The following DPP6 variants were observed in gnomAD, a reference collection of about 807,000 sequenced individuals.
The protein encoded by DPP6 is A-type potassium channel modulatory protein DPP6.
DPP6 carries 69 observed loss-of-function variants against 122.6 expected under a neutral mutation model. That is an observed-to-expected ratio of 0.56 (90% CI 0.46 to 0.69). DPP6 has a LOEUF of 0.69. DPP6 is among the 30% of genes least tolerant of loss of function. DPP6 has a pLI of 0.00. For synonymous variants in DPP6, 418 were observed against 433.1 expected (o/e 0.97, Z 0.43); for missense variants, 928 against 1,116.9 (o/e 0.83, Z 2.41).
At chr7:154,137,068 G>A (rs954064343) in intron 1 of DPP6, among the ~76,000 whole-genome samples, 12 of 152,172 alleles carry the variant, frequency 7.9e-5, no homozygotes, top group African/African-American at 1.4e-4. Context: ...TTCTTATGAA[G>A]CCCTTCCCTA....
intron 1 of DPP6, among the ~76,000 whole-genome samples, chr7:154,233,822 C>T (rs899520319): frequency 6.6e-6 from 1 of 152,126 alleles, no homozygotes; most frequent in African/African-American, 2.4e-5. Flanking sequence ...TACAGCAGCC[C>T]TAGTAAACAA....
chr7:154,086,163 G>C (rs1804402108), intron 1 of DPP6, among the ~76,000 whole-genome samples: 2 of 152,198 alleles, frequency 1.3e-5, no homozygotes, highest in South Asian at 4.1e-4. Flanking sequence ...GAATCCAATG[G>C]ATCTGAGTCA....
intron 5 of DPP6, chr7:154,587,951 A>G (rs1239999550): frequency 1.2e-6 from 2 of 1,612,822 alleles, no homozygotes; most frequent in Non-Finnish European, 1.7e-6. Context: ...CTTCGCAGCC[A>G]TGCACCTGCA....
intron 1 of DPP6, among the ~76,000 whole-genome samples, chr7:154,090,273 C>T (rs1804708865): frequency 6.6e-6 from 1 of 152,144 alleles, no homozygotes; most frequent in African/African-American, 2.4e-5. Flanking sequence ...TGTGGTAATG[C>T]TATCCCCCGA....
chr7:153,837,837 A>ATTTTTTT, the DPP6 span, among the ~76,000 whole-genome samples: 52 of 80,634 alleles, frequency 6.4e-4, 2 homozygotes, highest in African/African-American at 2.3e-3. Context: ...TGCCTGGTTA[A>ATTTTTTT]TTTTTTTTTT....
intron 1 of DPP6, among the ~76,000 whole-genome samples, chr7:154,239,992 T>C (rs202233306): frequency 6.0e-5 from 3 of 50,398 alleles, no homozygotes; most frequent in East Asian, 2.2e-3. Flanking sequence ...ATGCTGTCTT[T>C]AAAAAAAAAA....
At chr7:153,845,822 TTAGAC>T in the DPP6 span, among the ~76,000 whole-genome samples, 2 of 152,158 alleles carry the variant, frequency 1.3e-5, no homozygotes, top group African/African-American at 4.8e-5. Flanking sequence ...AACCATGACT[TTAGAC>T]TATTTTAACT....
intron 16 of DPP6, among the ~76,000 whole-genome samples, chr7:154,812,364 T>G (rs117835108): frequency 3.9e-5 from 6 of 152,338 alleles, no homozygotes; most frequent in Non-Finnish European, 7.3e-5. Flanking sequence ...CAATATAACT[T>G]TATTGTCTTA....
chr7:153,944,556 GTAGTGCCAGCACACA>G (rs1801849805), intron 1 of DPP6, among the ~76,000 whole-genome samples: 2 of 152,044 alleles, frequency 1.3e-5, no homozygotes. Context: ...GACTGGGAGG[GTAGTGCCAGCACACA>G]AGGAGGAGGC....
intron 1 of DPP6, among the ~76,000 whole-genome samples, chr7:154,077,796 G>A (rs1284042995): frequency 3.3e-5 from 5 of 151,220 alleles, no homozygotes; most frequent in Non-Finnish European, 5.9e-5. Flanking sequence ...TCAGCCTCTC[G>A]AGTAGCTGAG....
chr7:154,571,972 TC>T (rs1214315475), intron 5 of DPP6, among the ~76,000 whole-genome samples: 2 of 152,082 alleles, frequency 1.3e-5, no homozygotes, highest in African/African-American at 2.4e-5. Context: ...CAAGGTGACA[TC>T]CGGGCTGCAG....
intron 1 of DPP6, among the ~76,000 whole-genome samples, chr7:154,192,971 G>A (rs1279887918): frequency 6.6e-6 from 1 of 152,214 alleles, no homozygotes; most frequent in African/African-American, 2.4e-5. Flanking sequence ...ATTAAGGCAT[G>A]TGCTGTTCAG....
At chr7:153,816,783 C>G in the DPP6 span, among the ~76,000 whole-genome samples, 3 of 151,934 alleles carry the variant, frequency 2.0e-5, no homozygotes, top group African/African-American at 7.3e-5. Context: ...CCTAACACCC[C>G]TCTGCATGGA....
At chr7:154,764,323 A>G (rs1316035305) in intron 8 of DPP6, among the ~76,000 whole-genome samples, 1 of 152,176 alleles carries the variant, frequency 6.6e-6, no homozygotes, top group Non-Finnish European at 1.5e-5. Flanking sequence ...TAGGTCCATG[A>G]AAGTGTTACT....
intron 4 of DPP6, among the ~76,000 whole-genome samples, chr7:154,559,789 C>A (rs1383152232): frequency 1.3e-5 from 2 of 151,748 alleles, no homozygotes; most frequent in African/African-American, 4.8e-5. Context: ...TGTATAGGCC[C>A]AGCTACTCAA....
intron 1 of DPP6, among the ~76,000 whole-genome samples, chr7:154,236,725 T>A (rs1801239166): frequency 6.6e-6 from 1 of 152,192 alleles, no homozygotes; most frequent in Admixed American, 6.5e-5. Flanking sequence ...GCCATATGTG[T>A]TTCCCTGACG....
At chr7:154,764,615 C>T (rs1321927450) in intron 8 of DPP6, among the ~76,000 whole-genome samples, 1 of 152,154 alleles carries the variant, frequency 6.6e-6, no homozygotes, top group African/African-American at 2.4e-5. Flanking sequence ...TTCTGCCATT[C>T]CACCTTCCAC....
At chr7:154,476,389 G>A (rs543696355) in intron 3 of DPP6, among the ~76,000 whole-genome samples, 59 of 152,290 alleles carry the variant, frequency 3.9e-4, no homozygotes, top group African/African-American at 1.3e-3. Flanking sequence ...TGAAATGTTC[G>A]TGTTCGTGTT....
At chr7:153,961,236 G>T (rs1184506918) in intron 1 of DPP6, among the ~76,000 whole-genome samples, 1 of 150,350 alleles carries the variant, frequency 6.7e-6, no homozygotes, top group Admixed American at 6.6e-5. Flanking sequence ...CCCTAGCCAG[G>T]TGGAACCTGT....
Sources: allele counts gnomAD v4.1 joint callset (sites outside exome capture counted in the v4.1 genomes callset), GRCh38; gene constraint gnomAD v4.1.1; transcripts MANE v1.5; gene names NCBI Gene and HGNC (gene_info 2026-07-23, HGNC 2026-07-21).